RBFOX1: variants seen among roughly 807,000 people sequenced by gnomAD.
The protein encoded by RBFOX1 is RNA binding fox-1 homolog 1.
Under a neutral mutation model 57.7 loss-of-function variants are expected in RBFOX1, and 8 were observed. The ratio of observed to expected loss-of-function variants is 0.14; its 90% CI spans 0.08 to 0.25. The LOEUF (loss-of-function observed/expected upper bound fraction) is 0.25, where lower values mean the gene tolerates loss of function less well. RBFOX1 is among the 10% of genes least tolerant of loss of function. The pLI is 1.00. For synonymous variants in RBFOX1, 326 were observed against 222.4 expected (o/e 1.47, Z -4.15); for missense variants, 611 against 548.5 (o/e 1.11, Z -1.14).
chr16:7,602,193 A>T (rs2095059894), intron 9 of RBFOX1, among the ~76,000 whole-genome samples: 1 of 152,218 alleles, frequency 6.6e-6, no homozygotes, highest in Non-Finnish European at 1.5e-5. Flanking sequence ...TTAACACTGG[A>T]GGTCTTAACC....
intron 3 of RBFOX1, among the ~76,000 whole-genome samples, chr16:5,614,362 A>G (rs1290225732): frequency 6.6e-6 from 1 of 152,132 alleles, no homozygotes; most frequent in East Asian, 1.9e-4. Flanking sequence ...TGCAACTTTC[A>G]TCTCTGGTTA....
At chr16:6,944,272 G>T (rs2079066668) in intron 3 of RBFOX1, among the ~76,000 whole-genome samples, 1 of 151,930 alleles carries the variant, frequency 6.6e-6, no homozygotes, top group Non-Finnish European at 1.5e-5. Flanking sequence ...GTGGGCGCCT[G>T]TAATCCCAGC....
At chr16:5,691,207 C>T (rs1025338444) in intron 3 of RBFOX1, among the ~76,000 whole-genome samples, 2 of 152,130 alleles carry the variant, frequency 1.3e-5, no homozygotes, top group African/African-American at 4.8e-5. Flanking sequence ...GCATAATTTC[C>T]ATCATTAGTT....
intron 3 of RBFOX1, among the ~76,000 whole-genome samples, chr16:6,831,956 C>G (rs1035653779): frequency 9.1e-4 from 139 of 152,202 alleles, no homozygotes; most frequent in African/African-American, 3.2e-3. Context: ...ATTGCTATTG[C>G]AAAAACGGGA....
At chr16:6,569,897 T>C (rs1254313860) in intron 2 of RBFOX1, among the ~76,000 whole-genome samples, 1 of 152,198 alleles carries the variant, frequency 6.6e-6, no homozygotes, top group Non-Finnish European at 1.5e-5. Flanking sequence ...AATCCCCTAA[T>C]GTGTTTGCTA....
chr16:6,300,319 C>T (rs574010825), intron 1 of RBFOX1, among the ~76,000 whole-genome samples: 11 of 152,098 alleles, frequency 7.2e-5, no homozygotes, highest in South Asian at 2.1e-4. Context: ...TAAAAGAGTA[C>T]GTTTTAAGTG....
chr16:6,084,455 G>C (rs776298127), intron 1 of RBFOX1, among the ~76,000 whole-genome samples: 9 of 152,050 alleles, frequency 5.9e-5, no homozygotes, highest in Non-Finnish European at 1.2e-4. Flanking sequence ...TGTTGCCCAG[G>C]CTGATCTCCA....
In RBFOX1 at chr16:6,389,535, A is replaced by T. The variant is rs143249112; in HGVS notation, c.-64+72478A>T. On this transcript the variant is annotated intron_variant, in intron 2 of 15. Transcript: ENST00000550418. Reference sequence around the variant, plus strand: ...CTCTGTGGTTTTTCAGAACTCTAAAATGAAGGTCCACTTAGTCCAATTGCT... The same window carrying T: ...CTCTGTGGTTTTTCAGAACTCTAAATTGAAGGTCCACTTAGTCCAATTGCT... Among the ~76,000 whole-genome samples the T allele has an allele frequency of 9.1e-3, 1,385 of 152,292 alleles. 17 individuals carry two copies. The highest frequency in any genetic ancestry group is 0.032 in the African/African-American group (1,313 of 41,548).
chr16:7,390,047 C>G (rs74436427), intron 4 of RBFOX1, among the ~76,000 whole-genome samples: 2 of 151,974 alleles, frequency 1.3e-5, no homozygotes, highest in African/African-American at 4.8e-5. Context: ...AAGGTGAAAA[C>G]GAAGCAAGCA....
chr16:6,622,704 C>T (rs986310722), intron 2 of RBFOX1, among the ~76,000 whole-genome samples: 2 of 152,148 alleles, frequency 1.3e-5, no homozygotes, highest in Admixed American at 6.5e-5. Flanking sequence ...CCTTCTCTTT[C>T]CTCCTGAGAT....
At chr16:5,903,306 C>G (rs568614174) in intron 4 of RBFOX1, among the ~76,000 whole-genome samples, 1 of 152,184 alleles carries the variant, frequency 6.6e-6, no homozygotes, top group Admixed American at 6.5e-5. Context: ...TCTTGCCCTC[C>G]CTGCTGTGCA....
intron 2 of RBFOX1, among the ~76,000 whole-genome samples, chr16:6,456,909 G>A (rs2094788246): frequency 6.6e-6 from 1 of 152,144 alleles, no homozygotes; most frequent in African/African-American, 2.4e-5. Flanking sequence ...AAAGTATTGG[G>A]TCTTAGTGAG....
chr16:6,616,927 A>G (rs567317388), intron 2 of RBFOX1, among the ~76,000 whole-genome samples: 16 of 152,292 alleles, frequency 1.1e-4, no homozygotes, highest in African/African-American at 3.6e-4. Flanking sequence ...TTGTTTACAT[A>G]TTGTCTCTGG....
chr16:6,926,393 C>G (rs2075594201), intron 3 of RBFOX1, among the ~76,000 whole-genome samples: 2 of 152,124 alleles, frequency 1.3e-5, no homozygotes, highest in African/African-American at 2.4e-5. Flanking sequence ...CAGAAAGTAC[C>G]CACTGGGATC....
chr16:6,954,005 C>T (rs1015506008), intron 3 of RBFOX1, among the ~76,000 whole-genome samples: 1 of 152,084 alleles, frequency 6.6e-6, no homozygotes, highest in South Asian at 2.1e-4. Flanking sequence ...ACGCACATGT[C>T]AAGACAAGGT....
intron 1 of RBFOX1, chr16:5,260,942 T>C (rs910490171): frequency 4.6e-5 from 7 of 152,270 alleles, no homozygotes; most frequent in African/African-American, 1.7e-4. Context: ...CTTGTACATT[T>C]AGTTGCCTTC....
chr16:5,980,216 C>T (rs186268502), intron 4 of RBFOX1, among the ~76,000 whole-genome samples: 1 of 152,236 alleles, frequency 6.6e-6, no homozygotes, highest in African/African-American at 2.4e-5. Flanking sequence ...TCTCCTACCA[C>T]TGTTTGCATC....
intron 2 of RBFOX1, among the ~76,000 whole-genome samples, chr16:6,640,494 G>C (rs558868924): frequency 2.0e-5 from 3 of 152,070 alleles, no homozygotes; most frequent in African/African-American, 7.2e-5. Flanking sequence ...TGTAATCCCA[G>C]GTACTTGGGA....
Position 7,347,631 on chromosome 16 carries a change from C to G in RBFOX1, c.28-170516C>G, listed in dbSNP as rs181817351. On this transcript the variant is annotated intron_variant, in intron 4 of 15. Transcript: ENST00000550418. ...CACGCCGAGATTGAAAAACCCCACTCTAGGCTGTCACACTACTGTGACTCA... is the reference window on the plus strand; with the variant it reads ...CACGCCGAGATTGAAAAACCCCACTGTAGGCTGTCACACTACTGTGACTCA... 5.9e-5 allele frequency among the ~76,000 whole-genome samples: 9 copies of G among 152,288 alleles called. No individual in the cohort carries two copies. The East Asian group carries it at 1.5e-3, about 26-fold the overall frequency.
Sources: gnomAD v4.1 joint callset for allele counts (sites outside exome capture counted in the v4.1 genomes callset) on GRCh38, gnomAD v4.1.1 for gene constraint, MANE v1.5 for transcripts, NCBI Gene and HGNC (gene_info 2026-07-23, HGNC 2026-07-21) for gene names.